MCTP2: variants seen among roughly 807,000 people sequenced by gnomAD.
MCTP2 encodes multiple C2 and transmembrane domain-containing protein 2.
In MCTP2, 132 loss-of-function variants were observed where a neutral mutation model predicts 111.6. That is an observed-to-expected ratio of 1.18 (90% CI 1.03 to 1.37). The LOEUF (loss-of-function observed/expected upper bound fraction) is 1.37. Among genes scored for constraint, MCTP2 ranks in the 40% most tolerant of loss-of-function variants. The pLI is 0.00. For missense variants in MCTP2, 1,183 were observed against 1,067.9 expected, an observed-to-expected ratio of 1.11 and a Z score of -1.50; for synonymous variants, 395 against 387.7, an observed-to-expected ratio of 1.02 and a Z score of -0.22.
At chr15:94,399,863 C>A in intron 15 of MCTP2, 58 bp from the exon 16 acceptor site, 1 of 1,461,612 alleles carries the variant, frequency 6.8e-7, no homozygotes. Context: ...ATTAAGAAAA[C>A]TAGGTGGATG....
At chr15:94,442,838 A>T (rs955921814) in intron 18 of MCTP2, 81 bp from the exon 19 acceptor site, 1 of 1,169,556 alleles carries the variant, frequency 8.6e-7, no homozygotes, top group Non-Finnish European at 1.3e-6. Context: ...TCTGTAGGCA[A>T]GCTTTAAAAT....
chr15:94,409,171 G>T, intron 17 of MCTP2, among the ~76,000 whole-genome samples: 1 of 152,138 alleles, frequency 6.6e-6, no homozygotes, highest in Admixed American at 6.5e-5. Flanking sequence ...TCAGCTGCCA[G>T]TGCAACTAGA....
intron 5 of MCTP2, 81 bp downstream of exon 5, chr15:94,339,513 T>G: frequency 7.7e-6 from 8 of 1,037,124 alleles, no homozygotes; most frequent in Admixed American, 2.7e-5. Flanking sequence ...AGACGTGAAC[T>G]TGCCAAAATT....
intron 1 of MCTP2, among the ~76,000 whole-genome samples, chr15:94,275,408 A>G (rs2074138385): frequency 6.6e-6 from 1 of 152,216 alleles, no homozygotes; most frequent in African/African-American, 2.4e-5. Context: ...GAAATCATCA[A>G]GATCAGTATT....
chr15:94,472,641 G>A (rs2074023480), intron 21 of MCTP2, among the ~76,000 whole-genome samples: 2 of 152,180 alleles, frequency 1.3e-5, no homozygotes, highest in African/African-American at 2.4e-5. Context: ...TCTGAGCTTT[G>A]TACTTTACGT....
intron 22 of MCTP2, 85 bp from the exon 23 acceptor site, chr15:94,478,881 C>A: frequency 4.4e-6 from 5 of 1,132,772 alleles, no homozygotes; most frequent in South Asian, 3.8e-5. Flanking sequence ...CCTTTGCCTT[C>A]GGTTGTCCTT....
At chr15:94,268,346 AAT>A (rs1491380889) in intron 1 of MCTP2, among the ~76,000 whole-genome samples, 9 of 24,772 alleles carry the variant, frequency 3.6e-4, no homozygotes, top group African/African-American at 1.6e-3. Context: ...ATACCTGGCT[AAT>A]TTTTTTTTTT....
chr15:94,252,471 A>G (rs1039466116), intron 1 of MCTP2, among the ~76,000 whole-genome samples: 7 of 152,172 alleles, frequency 4.6e-5, no homozygotes, highest in African/African-American at 1.7e-4. Flanking sequence ...AAAGATCTGG[A>G]TTCTAGTAAT....
intron 19 of MCTP2, among the ~76,000 whole-genome samples, chr15:94,453,877 A>C (rs1291901572): frequency 1.3e-5 from 2 of 152,220 alleles, no homozygotes; most frequent in Non-Finnish European, 2.9e-5. Context: ...CAAGAAAATC[A>C]TTTCTGAAAA....
At chr15:94,302,077 C>G (rs1362669378) in intron 2 of MCTP2, among the ~76,000 whole-genome samples, 1 of 152,124 alleles carries the variant, frequency 6.6e-6, no homozygotes, top group Non-Finnish European at 1.5e-5. Flanking sequence ...GTTTAACTTA[C>G]TTTGTTTTTA....
chr15:94,483,236 A>G lies in MCTP2; in HGVS notation c.*4202A>G, dbSNP rs1366226894. Reference sequence around the variant, plus strand: ...TTCATTATTGAAAACTATGTTCTGCACTTATACATTGTTGGTTGGAGTGTA... The same window carrying G: ...TTCATTATTGAAAACTATGTTCTGCGCTTATACATTGTTGGTTGGAGTGTA... On this transcript the variant is annotated 3_prime_UTR_variant, in exon 23 of 23. Transcript: ENST00000357742. 6.6e-6 allele frequency: 1 copy of G among 152,194 alleles called. No homozygotes were observed. The highest frequency in any genetic ancestry group is 1.5e-5 in the Non-Finnish European group (1 of 68,030). 9.4% of individuals were successfully genotyped at this position (152,194 alleles called of 1,614,324 possible).
intron 17 of MCTP2, among the ~76,000 whole-genome samples, chr15:94,408,797 G>T (rs1426771098): frequency 6.6e-6 from 1 of 152,088 alleles, no homozygotes; most frequent in African/African-American, 2.4e-5. Flanking sequence ...TTCCAATTTT[G>T]ACTAGTAAAC....
chr15:94,329,623 G>A (rs527874050), intron 4 of MCTP2, among the ~76,000 whole-genome samples: 117 of 152,256 alleles, frequency 7.7e-4, no homozygotes, highest in African/African-American at 2.6e-3. Flanking sequence ...ATGATGCAGA[G>A]CCATTCATGA....
intron 1 of MCTP2, among the ~76,000 whole-genome samples, chr15:94,296,864 G>C (rs562612595): frequency 6.6e-6 from 1 of 152,170 alleles, no homozygotes; most frequent in Non-Finnish European, 1.5e-5. Context: ...AGTTCATCCT[G>C]GGAGAAGCTC....
At chr15:94,303,105 A>ATATATATATAGTTTATATATATAGTT (rs1306349409) in intron 2 of MCTP2, among the ~76,000 whole-genome samples, 1 of 133,042 alleles carries the variant, frequency 7.5e-6, no homozygotes, top group Non-Finnish European at 1.6e-5. Context: ...TATAGTTTAT[A>ATATATATATAGTTTATATATATAGTT]TATATATATA....
intron 14 of MCTP2, among the ~76,000 whole-genome samples, chr15:94,393,646 G>A (rs147380657): frequency 5.3e-5 from 8 of 152,088 alleles, no homozygotes; most frequent in African/African-American, 1.7e-4. Context: ...AGGATAGACT[G>A]GTAAAAAATA....
rs533680767 is a variant in MCTP2, at chr15:94,308,295, C to G, written c.466-5987C>G. On this transcript the variant is annotated intron_variant, in intron 2 of 22. Transcript: ENST00000357742. ...GACTCAAATCCAGGTCTTTTGGACT[C>G]CAGAGCCTTGTTCACTACCATGTAC... 3.9e-5 allele frequency among the ~76,000 whole-genome samples: 6 copies of G among 152,302 alleles called. No individual in the cohort carries two copies. The South Asian group carries it at 1.0e-3, about 26-fold the overall frequency.
At chr15:94,368,360 G>T (rs1418149787) in intron 11 of MCTP2, among the ~76,000 whole-genome samples, 2 of 152,158 alleles carry the variant, frequency 1.3e-5, no homozygotes, top group Non-Finnish European at 2.9e-5. Flanking sequence ...AAATGGCTGT[G>T]TCCTCTTCAT....
In MCTP2 at chr15:94,480,314, G is replaced by C. The variant is rs1050246411; in HGVS notation, c.*1280G>C. On this transcript the variant is annotated 3_prime_UTR_variant, in exon 23 of 23. Coordinates refer to ENST00000357742, the MANE Select transcript of MCTP2 (RefSeq NM_001385001.1). ...TTAAAAAGATCTCATTTAATAGTGA[G>C]TTCACTATTTTTTTTTTTTTGTCTC... 3 of 149,972 alleles carry C rather than the reference G, an allele frequency of 2.0e-5. No homozygotes were observed. The highest frequency in any genetic ancestry group is 7.5e-5 in the African/African-American group (3 of 40,052). 9.3% of individuals were successfully genotyped at this position (149,972 alleles called of 1,614,324 possible). A position where few individuals can be genotyped will look rare whatever the true frequency, so the allele number is the denominator to read the frequency against.
Sources: allele counts gnomAD v4.1 joint callset (sites outside exome capture counted in the v4.1 genomes callset), GRCh38; gene constraint gnomAD v4.1.1; transcripts MANE v1.5; gene names NCBI Gene and HGNC (gene_info 2026-07-23, HGNC 2026-07-21).